The following NRG2 variants were observed in gnomAD, a reference collection of about 807,000 sequenced individuals.
The protein encoded by NRG2 is neuregulin 2.
A neutral mutation model predicts 73.9 loss-of-function variants in NRG2; 27 were observed. The ratio of observed to expected loss-of-function variants is 0.37; its 90% CI spans 0.27 to 0.50. The LOEUF (loss-of-function observed/expected upper bound fraction) is 0.50, where lower values mean the gene tolerates loss of function less well. Among genes scored for constraint, NRG2 ranks in the 20% least tolerant of loss-of-function variants. NRG2 has a pLI of 0.96. For missense variants in NRG2, 1,126 were observed against 1,210.1 expected (o/e 0.93, Z 1.03); for synonymous variants, 532 against 541.0 (o/e 0.98, Z 0.23).
intron 1 of NRG2, among the ~76,000 whole-genome samples, chr5:139,901,974 A>G (rs893274533): frequency 1.3e-5 from 2 of 152,214 alleles, no homozygotes; most frequent in Non-Finnish European, 2.9e-5. Flanking sequence ...ATGCAGGCTT[A>G]CGCTCTGCCC....
At chr5:139,906,635 G>A (rs557447207) in intron 1 of NRG2, among the ~76,000 whole-genome samples, 4 of 152,330 alleles carry the variant, frequency 2.6e-5, no homozygotes, top group East Asian at 3.9e-4. Flanking sequence ...CTGGAGATAC[G>A]GCAGTGAGCA....
rs766606190 is a variant in NRG2, at chr5:139,859,872, A to G, written c.1190-4094T>C. The G allele has an allele frequency of 3.7e-6, 6 of 1,612,196 alleles. No individual in the cohort carries two copies. In the Middle Eastern group the frequency reaches 5.0e-4, roughly 133 times the overall value. On this transcript the variant is annotated intron_variant, in intron 5 of 9. Transcript: ENST00000361474. ...GGCCACGCAGATGGTGCTGAGTGAC[A>G]CACAGAGGTTTCATACCCTTTAATT... is the stretch of plus-strand genomic sequence containing the variant.
chr5:139,892,455 A>G (rs1040978431), intron 1 of NRG2, among the ~76,000 whole-genome samples: 12 of 152,138 alleles, frequency 7.9e-5, no homozygotes, highest in African/African-American at 2.9e-4. Context: ...CCCTGGGGTC[A>G]TGTGGGATAA....
At chr5:139,962,787 A>G (rs1755177856) in intron 1 of NRG2, among the ~76,000 whole-genome samples, 1 of 152,232 alleles carries the variant, frequency 6.6e-6, no homozygotes, top group African/African-American at 2.4e-5. Flanking sequence ...CAACCAAGCC[A>G]GTGGAATATT....
intron 1 of NRG2, among the ~76,000 whole-genome samples, chr5:139,993,632 C>T (rs1245766106): frequency 6.6e-6 from 1 of 152,124 alleles, no homozygotes; most frequent in Non-Finnish European, 1.5e-5. Flanking sequence ...TTGCTCCAGC[C>T]CATAGTGTAA....
intron 1 of NRG2, among the ~76,000 whole-genome samples, chr5:140,011,406 T>C (rs1034521989): frequency 1.3e-5 from 2 of 152,218 alleles, no homozygotes; most frequent in Non-Finnish European, 2.9e-5. Flanking sequence ...ATACTTTCCC[T>C]GAGTGTGGGC....
At position 139,851,177 on chromosome 5, in the gene NRG2, G is replaced by T. The variant is rs920352453; in HGVS notation, c.1772+427C>A. ...AATTTTTGTATTTTTAGTAAAGATG[G>T]GGGTTTCACCATGTTGGCCAGACTA... is the stretch of plus-strand genomic sequence containing the variant. On this transcript the variant is annotated intron_variant, in intron 9 of 9. Transcript: ENST00000361474. The surrounding 1 kb of genome is among the most constrained non-coding windows in gnomAD (Gnocchi z 4.2). Among the ~76,000 whole-genome samples the T allele has an allele frequency of 6.6e-6, 1 of 151,984 alleles. No individual in the cohort carries two copies. Among genetic ancestry groups the T allele is most frequent in the African/African-American group, 2.4e-5 (1 of 41,370 alleles).
chr5:140,021,436 G>C (rs1431297104), intron 1 of NRG2, among the ~76,000 whole-genome samples: 1 of 152,192 alleles, frequency 6.6e-6, no homozygotes, highest in Non-Finnish European at 1.5e-5. Flanking sequence ...GTTTTGCTAG[G>C]AATGGTCCTT....
At chr5:139,939,204 TTTCCTTCCTTCCTTCCTTCC>T (rs199952110) in intron 1 of NRG2, among the ~76,000 whole-genome samples, 7 of 133,884 alleles carry the variant, frequency 5.2e-5, no homozygotes, top group African/African-American at 1.1e-4. Context: ...CAAAGATTTC[TTTCCTTCCTTCCTTCCTTCC>T]TTCCTTCCTT....
intron 1 of NRG2, among the ~76,000 whole-genome samples, chr5:139,953,088 C>T (rs185207515): frequency 1.3e-5 from 2 of 152,302 alleles, no homozygotes; most frequent in African/African-American, 2.4e-5. Context: ...TGTCAGTGGG[C>T]CTCTGACACA....
intron 2 of NRG2, among the ~76,000 whole-genome samples, chr5:139,885,572 G>A (rs1763807838): frequency 1.3e-5 from 2 of 152,180 alleles, no homozygotes; most frequent in Admixed American, 6.5e-5. Context: ...TGGGGCAACC[G>A]CTGGAGGGCC....
At chr5:139,942,332 C>A (rs933555385) in intron 1 of NRG2, among the ~76,000 whole-genome samples, 2 of 152,152 alleles carry the variant, frequency 1.3e-5, no homozygotes, top group African/African-American at 4.8e-5. Flanking sequence ...CAATGAATGA[C>A]CACAAGCTTT....
rs1310197375 is a variant in NRG2, at chr5:139,848,201, G to C, written c.2269C>G (p.Arg757Gly). ...AGCGACAGCGAGTCCCTCGCCGCCCGTGCGCGCTGCGCCGCCAGCCCGTTG... is the reference window on the plus strand; with the variant it reads ...AGCGACAGCGAGTCCCTCGCCGCCCCTGCGCGCTGCGCCGCCAGCCCGTTG... ...RLNGLAAQRA[R>G]AARDSLSLSS... The change falls in exon 10 of 10, where the codon CGG (arginine) becomes GGG (glycine). Residue 757 changes from arginine (R) to glycine (G), a missense_variant. By Grantham distance (125) the Arg-to-Gly change is moderately radical. This residue lies in a region of NRG2 where 402 missense variants were observed against 357.8 expected (regional missense o/e 1.12). Transcript: ENST00000361474. The C allele has an allele frequency of 6.1e-6, 8 of 1,312,470 alleles. 1 individual carries two copies. The highest frequency in any genetic ancestry group is 2.9e-4 in the Middle Eastern group (1 of 3,452). 81.3% of individuals were successfully genotyped at this position (1,312,470 alleles called of 1,614,324 possible). A position where few individuals can be genotyped will look rare whatever the true frequency, so the allele number is the denominator to read the frequency against.
intron 1 of NRG2, among the ~76,000 whole-genome samples, chr5:139,984,383 A>G (rs1383591349): frequency 6.6e-6 from 1 of 152,238 alleles, no homozygotes; most frequent in East Asian, 1.9e-4. Context: ...GTAGGTAAGA[A>G]AAGCAGTATA....
intron 1 of NRG2, among the ~76,000 whole-genome samples, chr5:139,947,905 G>A (rs977544503): frequency 6.6e-6 from 1 of 152,052 alleles, no homozygotes; most frequent in African/African-American, 2.4e-5. Flanking sequence ...TCTTTTTATT[G>A]TGGTAAAATG....
At chr5:139,922,719 A>G (rs898701805) in intron 1 of NRG2, among the ~76,000 whole-genome samples, 1 of 152,264 alleles carries the variant, frequency 6.6e-6, no homozygotes, top group Non-Finnish European at 1.5e-5. Flanking sequence ...TCAGTAGATG[A>G]ATGAATAAAT....
intron 1 of NRG2, among the ~76,000 whole-genome samples, chr5:139,959,222 C>T (rs1231673965): frequency 6.6e-6 from 1 of 152,136 alleles, no homozygotes; most frequent in Non-Finnish European, 1.5e-5. Flanking sequence ...TTCTTTGATA[C>T]GGAGTCTTGC....
intron 4 of NRG2, among the ~76,000 whole-genome samples, chr5:139,866,074 G>A (rs1014543579): frequency 6.6e-6 from 1 of 152,140 alleles, no homozygotes; most frequent in Non-Finnish European, 1.5e-5. Context: ...TTCTCTCCTG[G>A]GCCCTGGGCA....
At chr5:140,004,222 CTTA>C (rs2126629642) in intron 1 of NRG2, among the ~76,000 whole-genome samples, 1 of 152,282 alleles carries the variant, frequency 6.6e-6, no homozygotes, top group South Asian at 2.1e-4. Context: ...AATGATATGT[CTTA>C]TTAAGATTAT....
Sources: allele counts gnomAD v4.1 joint callset (sites outside exome capture counted in the v4.1 genomes callset), GRCh38; gene constraint gnomAD v4.1.1; regional missense constraint gnomAD v4.1.1; non-coding constraint Gnocchi (gnomAD v3.1); transcripts MANE v1.5; gene names NCBI Gene and HGNC (gene_info 2026-07-23, HGNC 2026-07-21).